Variants in BACH2 observed in about 807,000 individuals in gnomAD.
BACH2 encodes the protein transcription regulator protein BACH2.
BACH2 carries 5 observed loss-of-function variants against 61.8 expected under a neutral mutation model. The observed-to-expected ratio is 0.08, with a 90% CI of 0.04 to 0.17. The LOEUF is 0.17. BACH2 is among the 10% of genes least tolerant of loss of function. The pLI, the probability that BACH2 is intolerant of heterozygous loss-of-function variation, is 1.00. For synonymous variants in BACH2, 446 were observed against 440.1 expected, an observed-to-expected ratio of 1.01 and a Z score of -0.17; for missense variants, 824 against 1,091.1, an observed-to-expected ratio of 0.76 and a Z score of 3.45.
chr6:89,974,587 T>A (rs1775550026), intron 6 of BACH2, among the ~76,000 whole-genome samples: 1 of 152,240 alleles, frequency 6.6e-6, no homozygotes, highest in Admixed American at 6.5e-5. Context: ...CAAGATCTTT[T>A]AACATTTCTC....
At chr6:90,167,051 TATAATA>T (rs764909511) in intron 4 of BACH2, among the ~76,000 whole-genome samples, 4 of 151,832 alleles carry the variant, frequency 2.6e-5, no homozygotes, top group Non-Finnish European at 4.4e-5. Flanking sequence ...AAACTTAAAG[TATAATA>T]ATAATAATAA....
chr6:90,029,568 G>C (rs537318205), intron 5 of BACH2, among the ~76,000 whole-genome samples: 1 of 152,094 alleles, frequency 6.6e-6, no homozygotes, highest in African/African-American at 2.4e-5. Flanking sequence ...TTTTGTTAAT[G>C]ACCTATTTTT....
chr6:90,025,873 A>C (rs1778609343), intron 5 of BACH2, among the ~76,000 whole-genome samples: 1 of 152,234 alleles, frequency 6.6e-6, no homozygotes, highest in Non-Finnish European at 1.5e-5. Flanking sequence ...GAGAAATGAC[A>C]TGCAAAGTGC....
At chr6:90,018,767 T>G (rs894839763) in intron 5 of BACH2, among the ~76,000 whole-genome samples, 4 of 152,200 alleles carry the variant, frequency 2.6e-5, no homozygotes, top group Non-Finnish European at 5.9e-5. Context: ...ATAAAATATT[T>G]GTGAGGTTTG....
chr6:90,229,969 A>C (rs1770041863), intron 3 of BACH2, among the ~76,000 whole-genome samples: 1 of 152,170 alleles, frequency 6.6e-6, no homozygotes, highest in Non-Finnish European at 1.5e-5. Context: ...ATTCCATCTG[A>C]GGCAGTGGTT....
At chr6:90,169,100 C>T (rs1767726162) in intron 4 of BACH2, among the ~76,000 whole-genome samples, 1 of 151,456 alleles carries the variant, frequency 6.6e-6, no homozygotes. Context: ...AGCATCTTGG[C>T]ACACAGTTTG....
chr6:89,947,857 C>G (rs1313067586), intron 7 of BACH2, among the ~76,000 whole-genome samples: 1 of 152,116 alleles, frequency 6.6e-6, no homozygotes, highest in Non-Finnish European at 1.5e-5. Flanking sequence ...AGGTGTGAGC[C>G]ACCGCGCCCA....
rs1440681930 is a variant in BACH2 at position 90,008,336 on chromosome 6, C to T, written c.243+266G>A. On this transcript the variant is annotated intron_variant, in intron 6 of 8. Coordinates refer to ENST00000257749, the MANE Select transcript of BACH2 (RefSeq NM_021813.4). The surrounding 1 kb of genome is among the most constrained non-coding windows in gnomAD (Gnocchi z 4.1). ...CAAACTTAGGCTGAACCACTCAAAA[C>T]CTGAAGGGTAAGTGAACTAGAAACT... The T allele has an allele frequency of 3.9e-6, 2 of 519,224 alleles. 1 individual carries two copies. The highest frequency in any genetic ancestry group is 4.3e-5 in the South Asian group (2 of 46,592). 32.2% of individuals were successfully genotyped at this position (519,224 alleles called of 1,614,324 possible). A position where few individuals can be genotyped will look rare whatever the true frequency, so the allele number is the denominator to read the frequency against.
At chr6:90,105,683 C>T (rs1382286120) in intron 4 of BACH2, among the ~76,000 whole-genome samples, 2 of 152,180 alleles carry the variant, frequency 1.3e-5, no homozygotes, top group Non-Finnish European at 2.9e-5. Flanking sequence ...TAATTTAAAA[C>T]TATTTGATGT....
chr6:89,953,986 T>G (rs1393671499), intron 6 of BACH2, among the ~76,000 whole-genome samples: 5 of 152,202 alleles, frequency 3.3e-5, no homozygotes, highest in Non-Finnish European at 5.9e-5. Context: ...CTGTTTTATG[T>G]CCTTTTCTTC....
Position 90,268,798 on chromosome 6 carries a change from T to C in BACH2, c.-353+3051A>G, listed in dbSNP as rs139011986. Among the ~76,000 whole-genome samples the C allele has an allele frequency of 4.5e-3, 686 of 152,254 alleles. 4 individuals are homozygous for C. Among genetic ancestry groups the C allele is most frequent in the African/African-American group, 0.016 (648 of 41,552 alleles). ...AGTAATATAAGATATTTAGGAACTT[T>C]AATAATGAAAGATTAGATTCTATTG... On this transcript the variant is annotated intron_variant, in intron 2 of 8. Coordinates refer to ENST00000257749, the MANE Select transcript of BACH2 (RefSeq NM_021813.4).
chr6:90,152,661 T>A (rs1784869150), intron 4 of BACH2, among the ~76,000 whole-genome samples: 1 of 152,236 alleles, frequency 6.6e-6, no homozygotes, highest in Admixed American at 6.5e-5. Context: ...AATAAATATT[T>A]AAGTGAATGA....
At chr6:90,080,658 CAT>C (rs1430191554) in intron 5 of BACH2, 1 of 718,894 alleles carries the variant, frequency 1.4e-6, no homozygotes, top group East Asian at 1.3e-4. Context: ...CAACAGCAAA[CAT>C]ATGCAGGTAA....
chr6:89,947,746 AT>A lies in BACH2; in HGVS notation c.1836+2523del, dbSNP rs372496116. 2.6e-3 allele frequency among the ~76,000 whole-genome samples: 390 copies of A among 148,576 alleles called. 2 individuals are homozygous for A. Among genetic ancestry groups the A allele is most frequent in the East Asian group, 8.2e-3 (41 of 5,014 alleles). The stretch of plus-strand genomic sequence containing the variant: ...ACGCCCAGCTAATTTTTTTTTTTGT[AT>A]TTTTTAGTAGAGACGGGGTTTCACC... On this transcript the variant is annotated intron_variant, in intron 7 of 8. Coordinates refer to ENST00000257749, the MANE Select transcript of BACH2 (RefSeq NM_021813.4).
intron 1 of BACH2, among the ~76,000 whole-genome samples, chr6:90,286,771 G>T (rs1436087722): frequency 6.6e-6 from 1 of 151,632 alleles, no homozygotes; most frequent in Non-Finnish European, 1.5e-5. Context: ...ATAAAGTATT[G>T]TTAGAAAAAA....
At chr6:89,994,604 T>C (rs542976625) in intron 6 of BACH2, among the ~76,000 whole-genome samples, 2 of 152,292 alleles carry the variant, frequency 1.3e-5, no homozygotes, top group South Asian at 2.1e-4. Context: ...CCAGGAAGCA[T>C]TGGTCCCCTT....
At chr6:90,161,086 C>CAA (rs11390042) in intron 4 of BACH2, among the ~76,000 whole-genome samples, 1,116 of 104,064 alleles carry the variant, frequency 0.011, 18 homozygotes, top group Middle Eastern at 0.016. Flanking sequence ...GACTCCGTCT[C>CAA]AAAAAAAAAA....
At chr6:90,103,246 T>C (rs1401890224) in intron 4 of BACH2, among the ~76,000 whole-genome samples, 1 of 151,584 alleles carries the variant, frequency 6.6e-6, no homozygotes, top group Non-Finnish European at 1.5e-5. Context: ...TCTGAGAGTT[T>C]CTATGCTGCA....
At chr6:90,108,781 T>A (rs1783036514) in intron 4 of BACH2, among the ~76,000 whole-genome samples, 1 of 152,224 alleles carries the variant, frequency 6.6e-6, no homozygotes, top group South Asian at 2.1e-4. Flanking sequence ...TTGTCTTACA[T>A]CCTCTGGAAC....
Sources: allele counts gnomAD v4.1 joint callset (sites outside exome capture counted in the v4.1 genomes callset), GRCh38; gene constraint gnomAD v4.1.1; non-coding constraint Gnocchi (gnomAD v3.1); transcripts MANE v1.5; gene names NCBI Gene and HGNC (gene_info 2026-07-23, HGNC 2026-07-21).